CELF2: variants seen among roughly 807,000 people sequenced by gnomAD.
The protein encoded by CELF2 is CUG triplet repeat RNA-binding protein 2.
In CELF2, 8 loss-of-function variants were observed where a neutral mutation model predicts 62.6. The observed-to-expected ratio is 0.13, with a 90% confidence interval of 0.07 to 0.23. CELF2 has a LOEUF of 0.23. CELF2 is among the 10% of genes least tolerant of loss of function. CELF2 has a pLI of 1.00. For synonymous variants in CELF2, 258 were observed against 250.0 expected (o/e 1.03, Z -0.30); for missense variants, 333 against 671.0 (o/e 0.50, Z 5.56).
At chr10:10,949,826 C>CA (rs35952853) in intron 2 of CELF2, among the ~76,000 whole-genome samples, 1,627 of 81,936 alleles carry the variant, frequency 0.02, 28 homozygotes, top group African/African-American at 0.045. Context: ...ACACACACAC[C>CA]AAAAAAAAAA....
chr10:11,066,897 C>T lies in CELF2; in HGVS notation c.74+48734C>T, dbSNP rs115360501. On this transcript the variant is annotated intron_variant, in intron 1 of 12. Transcript: ENST00000633077. ...GCATCTCCTCCCTTCCCCCTGAGAC[C>T]GCTGGTGTAGGTGCTGTCGGTTGTA... Among the ~76,000 whole-genome samples the T allele has an allele frequency of 2.2e-3, 341 of 152,174 alleles. 4 individuals are homozygous for T. Among genetic ancestry groups the T allele is most frequent in the African/African-American group, 7.4e-3 (305 of 41,496 alleles).
chr10:10,655,398 G>T, the CELF2 span, among the ~76,000 whole-genome samples: 1 of 121,418 alleles, frequency 8.2e-6, no homozygotes, highest in East Asian at 2.0e-4. Context: ...AACCAAAAAA[G>T]ATCCCGCATC....
At chr10:11,144,208 G>C (rs867940417) in intron 1 of CELF2, among the ~76,000 whole-genome samples, 2 of 152,102 alleles carry the variant, frequency 1.3e-5, no homozygotes, top group Non-Finnish European at 2.9e-5. Flanking sequence ...CTAATGCGTG[G>C]CAAGGTCAGA....
At chr10:10,846,039 C>T in intron 1 of CELF2, 2 of 905,438 alleles carry the variant, frequency 2.2e-6, no homozygotes, top group Non-Finnish European at 2.6e-6. Flanking sequence ...GACTCATTAA[C>T]CTGTGAACCC....
At chr10:10,661,800 G>A in the CELF2 span, among the ~76,000 whole-genome samples, 1 of 152,134 alleles carries the variant, frequency 6.6e-6, no homozygotes, top group African/African-American at 2.4e-5. Context: ...AGGCAGGAAG[G>A]GAAGCAAGTG....
the CELF2 span, among the ~76,000 whole-genome samples, chr10:10,790,987 A>G: frequency 6.6e-6 from 1 of 152,152 alleles, no homozygotes; most frequent in African/African-American, 2.4e-5. Flanking sequence ...CACCTATAAA[A>G]TGAAGATTAA....
At chr10:10,600,240 A>T in the CELF2 span, among the ~76,000 whole-genome samples, 1 of 152,218 alleles carries the variant, frequency 6.6e-6, no homozygotes. Flanking sequence ...GCGTTTGCAA[A>T]GCAAGGTTTC....
intron 1 of CELF2, among the ~76,000 whole-genome samples, chr10:10,910,454 G>A (rs548609406): frequency 1.1e-4 from 16 of 152,074 alleles, no homozygotes; most frequent in Non-Finnish European, 1.6e-4. Flanking sequence ...CAACACTTTG[G>A]GAGGCCGAGG....
chr10:11,001,699 T>A (rs1444714964), upstream of CELF2, among the ~76,000 whole-genome samples: 1 of 152,226 alleles, frequency 6.6e-6, no homozygotes, highest in African/African-American at 2.4e-5. Context: ...AAAATGTAAT[T>A]TATACAGCAA....
At chr10:11,062,898 T>C (rs1016242588) in intron 1 of CELF2, among the ~76,000 whole-genome samples, 1 of 150,700 alleles carries the variant, frequency 6.6e-6, no homozygotes, top group African/African-American at 2.5e-5. Flanking sequence ...GCAAACTTCA[T>C]GGTTGTCCTG....
intron 11 of CELF2, among the ~76,000 whole-genome samples, 172 bp from the exon 12 acceptor site, chr10:11,325,664 A>G (rs550318089): frequency 6.6e-6 from 1 of 152,244 alleles, no homozygotes; most frequent in South Asian, 2.1e-4. Flanking sequence ...AATCAGGAAA[A>G]TCTGAAGGAT....
chr10:10,996,651 T>C (rs2053982123), intron 2 of CELF2, among the ~76,000 whole-genome samples: 2 of 152,216 alleles, frequency 1.3e-5, no homozygotes, highest in African/African-American at 4.8e-5. Flanking sequence ...TTACTCCAAC[T>C]AGGTTTCAAC....
chr10:10,731,908 A>G, the CELF2 span, among the ~76,000 whole-genome samples: 1 of 152,114 alleles, frequency 6.6e-6, no homozygotes, highest in African/African-American at 2.4e-5. Flanking sequence ...CCCTGTGCTG[A>G]GCCCCGCATG....
chr10:10,740,842 G>A, the CELF2 span, among the ~76,000 whole-genome samples: 5 of 152,276 alleles, frequency 3.3e-5, no homozygotes, highest in Middle Eastern at 3.4e-3. Flanking sequence ...GAAAAATACT[G>A]CATGATCTCA....
At position 11,177,495 on chromosome 10, in the gene CELF2, A is replaced by G. The variant is rs1474767685; in HGVS notation, c.271+11813A>G. On this transcript the variant is annotated intron_variant, in intron 2 of 12. Coordinates refer to ENST00000633077, the MANE Select transcript of CELF2 (RefSeq NM_001326342.2). The surrounding 1 kb of genome is among the most constrained non-coding windows in gnomAD (Gnocchi z 4.8). ...CAAAATGTTGGCATGAATTAAGAAA[A>G]ATCAGTGAAGAAATGTTGCTTAATT... Among the ~76,000 whole-genome samples, 5 of 152,138 alleles carry G rather than the reference A, an allele frequency of 3.3e-5. No individual in the cohort carries two copies. The highest frequency in any genetic ancestry group is 6.5e-5 in the Admixed American group (1 of 15,274).
chr10:11,144,900 GAA>G lies in CELF2; in HGVS notation c.75-20564_75-20563del, dbSNP rs397846995. ...GAGGGAGACCCTGTCTCAGGAAACA[GAA>G]AAAAAAAAAAAAAAAAAAAAAGGCA... is the stretch of plus-strand genomic sequence containing the variant. On this transcript the variant is annotated intron_variant, in intron 1 of 12. Coordinates refer to ENST00000633077, the MANE Select transcript of CELF2 (RefSeq NM_001326342.2). Among the ~76,000 whole-genome samples the G allele has an allele frequency of 5.8e-3, 433 of 74,082 alleles. 3 individuals carry two copies. The highest frequency in any genetic ancestry group is 9.2e-3 in the African/African-American group (173 of 18,828). 48.6% of individuals were successfully genotyped at this position (74,082 alleles called of 152,430 possible).
rs960368004 is a variant in CELF2 at position 11,120,372 on chromosome 10, G to T, written c.75-45114G>T. On this transcript the variant is annotated intron_variant, in intron 1 of 12. Transcript: ENST00000633077. ...TAGAAGCAAACAGAAAAGCTTTGCTGGGTTTTGCTCCTTAGTTTTTAATGT... is the reference window on the plus strand; with the variant it reads ...TAGAAGCAAACAGAAAAGCTTTGCTTGGTTTTGCTCCTTAGTTTTTAATGT... 3.3e-5 allele frequency among the ~76,000 whole-genome samples: 5 copies of T among 152,240 alleles called. No homozygotes were observed. In the South Asian group the frequency reaches 8.3e-4, roughly 25 times the overall value.
the CELF2 span, among the ~76,000 whole-genome samples, chr10:10,585,289 C>G: frequency 2.6e-5 from 4 of 152,154 alleles, no homozygotes; most frequent in African/African-American, 4.8e-5. Context: ...ACCCCTAAGT[C>G]TGCGGACAAG....
the CELF2 span, among the ~76,000 whole-genome samples, chr10:10,676,041 A>C: frequency 4.6e-5 from 7 of 152,170 alleles, no homozygotes; most frequent in Non-Finnish European, 1.0e-4. Flanking sequence ...GAGATGATGT[A>C]CTGGGAAGAG....
Sources: gnomAD v4.1 joint callset for allele counts (sites outside exome capture counted in the v4.1 genomes callset) on GRCh38, gnomAD v4.1.1 for gene constraint, Gnocchi (gnomAD v3.1) non-coding constraint, MANE v1.5 for transcripts, NCBI Gene and HGNC (gene_info 2026-07-23, HGNC 2026-07-21) for gene names.